Variants in LSAMP observed in about 807,000 individuals in gnomAD.
LSAMP encodes limbic system associated membrane protein.
A neutral mutation model predicts 38.6 loss-of-function variants in LSAMP; 7 were observed. The ratio of observed to expected loss-of-function variants is 0.18; its 90% CI spans 0.10 to 0.34. LSAMP has a LOEUF of 0.34. Among genes scored for constraint, LSAMP ranks in the 10% least tolerant of loss-of-function variants. The pLI is 1.00. For synonymous variants in LSAMP, 154 were observed against 166.8 expected (o/e 0.92, Z 0.59); for missense variants, 313 against 420.0 (o/e 0.75, Z 2.23).
At chr3:116,090,052 G>GA (rs375451017) in intron 1 of LSAMP, among the ~76,000 whole-genome samples, 10 of 150,596 alleles carry the variant, frequency 6.6e-5, no homozygotes, top group Admixed American at 1.3e-4. Context: ...AAGTACACAT[G>GA]AAAAAAAATG....
intron 3 of LSAMP, among the ~76,000 whole-genome samples, chr3:115,923,943 A>G (rs1446999313): frequency 1.3e-5 from 2 of 152,172 alleles, no homozygotes; most frequent in African/African-American, 4.8e-5. Flanking sequence ...GGAGCACTAC[A>G]TAAATTTATC....
chr3:116,111,455 A>G (rs1391284155), intron 1 of LSAMP, among the ~76,000 whole-genome samples: 2 of 152,218 alleles, frequency 1.3e-5, no homozygotes, highest in South Asian at 2.1e-4. Flanking sequence ...CCTCATTTCC[A>G]TCAATGGCAT....
intron 1 of LSAMP, among the ~76,000 whole-genome samples, chr3:116,178,348 A>T (rs966600915): frequency 6.6e-6 from 1 of 152,012 alleles, no homozygotes; most frequent in African/African-American, 2.4e-5. Flanking sequence ...TTATATTTTT[A>T]GTAGAGATGG....
At chr3:116,322,949 T>C (rs912252925) in intron 1 of LSAMP, among the ~76,000 whole-genome samples, 2 of 152,156 alleles carry the variant, frequency 1.3e-5, no homozygotes, top group African/African-American at 2.4e-5. Flanking sequence ...CTGAACTTAC[T>C]GTGAACTGTA....
At chr3:116,230,953 G>C (rs1325583245) in intron 1 of LSAMP, among the ~76,000 whole-genome samples, 3 of 152,222 alleles carry the variant, frequency 2.0e-5, no homozygotes, top group African/African-American at 7.2e-5. Flanking sequence ...AAACTGAGGA[G>C]GTTGGGCTTT....
Position 115,806,223 on chromosome 3 carries a change from A to G in LSAMP, c.*4094T>C, listed in dbSNP as rs1379201133. On this transcript the variant is annotated 3_prime_UTR_variant, in exon 7 of 7. Coordinates refer to ENST00000490035, the MANE Select transcript of LSAMP (RefSeq NM_002338.5). ...TGAGCATAGATTTTCTTTCTAAACA[A>G]CCAAATTCAGTACTTTTCTTCCTTT... 1.3e-5 allele frequency: 2 copies of G among 152,182 alleles called. No individual in the cohort carries two copies. Among genetic ancestry groups the G allele is most frequent in the African/African-American group, 2.4e-5 (1 of 41,440 alleles). 9.4% of individuals were successfully genotyped at this position (152,182 alleles called of 1,614,324 possible).
intron 3 of LSAMP, among the ~76,000 whole-genome samples, chr3:115,932,090 A>G (rs1031066488): frequency 3.3e-5 from 5 of 152,354 alleles, no homozygotes; most frequent in African/African-American, 1.2e-4. Flanking sequence ...GTGTTATGCC[A>G]TGGTAGGAGT....
chr3:116,162,764 CTTAT>C (rs1709928311), intron 1 of LSAMP, among the ~76,000 whole-genome samples: 2 of 61,622 alleles, frequency 3.2e-5, no homozygotes, highest in African/African-American at 9.8e-5. Context: ...TATACACACA[CTTAT>C]ACACACACAC....
chr3:116,410,502 T>A (rs1006150292), intron 1 of LSAMP, among the ~76,000 whole-genome samples: 6 of 151,832 alleles, frequency 4.0e-5, no homozygotes, highest in Non-Finnish European at 7.4e-5. Flanking sequence ...ATTTTTTTTT[T>A]AAACTGGGAA....
chr3:115,899,155 A>G (rs946083920), intron 3 of LSAMP, among the ~76,000 whole-genome samples: 2 of 152,182 alleles, frequency 1.3e-5, no homozygotes, highest in Non-Finnish European at 2.9e-5. Flanking sequence ...AAGCAGATGT[A>G]TTCAGGGTAC....
chr3:116,081,171 A>C (rs535932872), intron 2 of LSAMP, among the ~76,000 whole-genome samples: 41 of 152,302 alleles, frequency 2.7e-4, no homozygotes, highest in African/African-American at 8.7e-4. Context: ...ATCACTAAAA[A>C]TGTAAATTGG....
chr3:116,120,529 A>T (rs1040737239), intron 1 of LSAMP, among the ~76,000 whole-genome samples: 1 of 152,194 alleles, frequency 6.6e-6, no homozygotes, highest in Non-Finnish European at 1.5e-5. Context: ...AGATAATAAA[A>T]GAGCCCAGTT....
intron 1 of LSAMP, among the ~76,000 whole-genome samples, chr3:116,390,165 ATT>A (rs1226121612): frequency 1.3e-5 from 2 of 151,578 alleles, no homozygotes. Flanking sequence ...ACACACACAC[ATT>A]TAGTTACATT....
At chr3:115,899,492 A>G (rs184162208) in intron 3 of LSAMP, among the ~76,000 whole-genome samples, 1 of 152,278 alleles carries the variant, frequency 6.6e-6, no homozygotes, top group East Asian at 1.9e-4. Flanking sequence ...CTATTATTAT[A>G]AGAGCTGTGA....
intron 2 of LSAMP, among the ~76,000 whole-genome samples, chr3:116,067,123 C>G (rs563179722): frequency 6.6e-6 from 1 of 152,286 alleles, no homozygotes; most frequent in Admixed American, 6.5e-5. Context: ...ATCCCACAAT[C>G]CTCACTTCAG....
At chr3:116,355,272 A>G (rs1268484458) in intron 1 of LSAMP, among the ~76,000 whole-genome samples, 1 of 152,166 alleles carries the variant, frequency 6.6e-6, no homozygotes, top group Non-Finnish European at 1.5e-5. Context: ...ATGCCTGCTG[A>G]TTGGGAATTA....
intron 1 of LSAMP, among the ~76,000 whole-genome samples, chr3:116,186,760 C>T (rs191926339): frequency 6.0e-4 from 91 of 152,234 alleles, no homozygotes; most frequent in African/African-American, 2.1e-3. Context: ...CTACTTGTGG[C>T]TTCTCTTCCT....
At chr3:116,239,200 G>A (rs1306285433) in intron 1 of LSAMP, among the ~76,000 whole-genome samples, 1 of 152,160 alleles carries the variant, frequency 6.6e-6, no homozygotes, top group Non-Finnish European at 1.5e-5. Flanking sequence ...TCTCACATGA[G>A]TAGAGTAAAG....
intron 4 of LSAMP, among the ~76,000 whole-genome samples, chr3:115,843,891 G>C (rs547254777): frequency 2.0e-5 from 3 of 152,244 alleles, no homozygotes; most frequent in African/African-American, 7.2e-5. Context: ...GTAAACAGGC[G>C]TGCTAAATGG....
Sources: gnomAD v4.1 joint callset for allele counts (sites outside exome capture counted in the v4.1 genomes callset) on GRCh38, gnomAD v4.1.1 for gene constraint, MANE v1.5 for transcripts, NCBI Gene and HGNC (gene_info 2026-07-23, HGNC 2026-07-21) for gene names.